The following DOCK3 variants were observed in gnomAD, a reference collection of about 807,000 sequenced individuals.
DOCK3 encodes the protein dedicator of cytokinesis 3, also known as dedicator of cytokinesis protein 3.
Under a neutral mutation model 265.6 loss-of-function variants are expected in DOCK3, and 60 were observed. That is an observed-to-expected ratio of 0.23 (90% CI 0.18 to 0.28). The LOEUF (loss-of-function observed/expected upper bound fraction) is 0.28, where lower values mean the gene tolerates loss of function less well. DOCK3 is among the 10% of genes least tolerant of loss of function. The pLI, the probability that DOCK3 is intolerant of heterozygous loss-of-function variation, is 1.00. For missense variants in DOCK3, 1,981 were observed against 2,594.3 expected, an observed-to-expected ratio of 0.76 and a Z score of 5.14; for synonymous variants, 881 against 938.0, an observed-to-expected ratio of 0.94 and a Z score of 1.11.
chr3:51,068,560 A>AAAAGAAGAAG (rs529031027), intron 6 of DOCK3, among the ~76,000 whole-genome samples: 5 of 82,416 alleles, frequency 6.1e-5, no homozygotes, highest in African/African-American at 9.2e-5. Flanking sequence ...AAAAAAAAAA[A>AAAAGAAGAAG]AAGAAGAAGA....
At chr3:50,947,787 T>A (rs2076466275) in intron 5 of DOCK3, among the ~76,000 whole-genome samples, 1 of 151,906 alleles carries the variant, frequency 6.6e-6, no homozygotes, top group South Asian at 2.1e-4. Context: ...ATGGTTAAGA[T>A]GTTAGTTCTC....
At chr3:51,048,842 G>A (rs2080875873) in intron 5 of DOCK3, among the ~76,000 whole-genome samples, 1 of 150,202 alleles carries the variant, frequency 6.7e-6, no homozygotes, top group African/African-American at 2.5e-5. Flanking sequence ...CAGCCTGAGC[G>A]ACAGAGCGAG....
chr3:51,155,709 C>T (rs2085812858), intron 10 of DOCK3, among the ~76,000 whole-genome samples: 1 of 152,124 alleles, frequency 6.6e-6, no homozygotes, highest in African/African-American at 2.4e-5. Flanking sequence ...GGGTTTCCTA[C>T]CAAGGAAGAA....
At chr3:51,122,750 G>T (rs1023395902) in intron 9 of DOCK3, among the ~76,000 whole-genome samples, 26 of 152,208 alleles carry the variant, frequency 1.7e-4, no homozygotes, top group Non-Finnish European at 7.3e-5. Flanking sequence ...GAAATGGAGG[G>T]ATTGGCTTGC....
At chr3:51,250,616 C>T (rs1226616291) in intron 22 of DOCK3, among the ~76,000 whole-genome samples, 1 of 152,154 alleles carries the variant, frequency 6.6e-6, no homozygotes, top group Non-Finnish European at 1.5e-5. Flanking sequence ...AAAACTCCAT[C>T]TCAAGAGAAA....
intron 2 of DOCK3, among the ~76,000 whole-genome samples, chr3:50,824,464 A>G (rs573310404): frequency 1.6e-4 from 25 of 152,320 alleles, no homozygotes; most frequent in African/African-American, 5.8e-4. Context: ...TTTTGTTTAC[A>G]TATTTGAAAC....
In DOCK3 at chr3:51,016,781, C is replaced by T. The variant is rs1369058564; in HGVS notation, c.316-47667C>T. On this transcript the variant is annotated intron_variant, in intron 5 of 52. Coordinates refer to ENST00000266037, the MANE Select transcript of DOCK3 (RefSeq NM_004947.5). ...ATATATGATATATGTTTATATATAT[C>T]ATATATAAATATATATGATATATGT... Among the ~76,000 whole-genome samples, 4 of 14,852 alleles carry T rather than the reference C, an allele frequency of 2.7e-4. 2 individuals are homozygous for T. The highest frequency in any genetic ancestry group is 2.0e-3 in the Admixed American group (2 of 1,010). 9.7% of individuals were successfully genotyped at this position (14,852 alleles called of 152,430 possible). A position where few individuals can be genotyped will look rare whatever the true frequency, so the allele number is the denominator to read the frequency against.
chr3:50,910,327 C>A (rs2049792901), intron 4 of DOCK3, among the ~76,000 whole-genome samples: 1 of 152,068 alleles, frequency 6.6e-6, no homozygotes. Context: ...TCCAGCATCA[C>A]CCCTCCTTAC....
chr3:51,092,779 G>A (rs1343192853), intron 9 of DOCK3, among the ~76,000 whole-genome samples: 1 of 152,182 alleles, frequency 6.6e-6, no homozygotes, highest in African/African-American at 2.4e-5. Context: ...CTGGCATCTG[G>A]CAGTTGCCCC....
chr3:50,998,573 ACTTT>A (rs2078363181), intron 5 of DOCK3, among the ~76,000 whole-genome samples: 1 of 152,198 alleles, frequency 6.6e-6, no homozygotes, highest in Non-Finnish European at 1.5e-5. Flanking sequence ...TGCTCTGAAT[ACTTT>A]CTTCCTAGAA....
At chr3:50,775,841 T>C (rs1056757642) in intron 1 of DOCK3, among the ~76,000 whole-genome samples, 2 of 13,334 alleles carry the variant, frequency 1.5e-4, no homozygotes, top group African/African-American at 1.7e-4. Context: ...CATATGGTAT[T>C]TGCTTTCCCA....
chr3:51,288,912 G>C (rs1489763879), intron 27 of DOCK3, among the ~76,000 whole-genome samples: 1 of 151,684 alleles, frequency 6.6e-6, no homozygotes, highest in East Asian at 1.9e-4. Context: ...GGGTGTGTGT[G>C]TGTGTGTGTG....
intron 23 of DOCK3, among the ~76,000 whole-genome samples, chr3:51,264,297 T>C (rs912134387): frequency 7.2e-5 from 11 of 152,160 alleles, no homozygotes; most frequent in African/African-American, 2.4e-4. Flanking sequence ...AACAACCTGC[T>C]CCTGAATGAC....
chr3:51,139,555 T>G (rs9846191), intron 9 of DOCK3, among the ~76,000 whole-genome samples: 1 of 152,240 alleles, frequency 6.6e-6, no homozygotes, highest in Non-Finnish European at 1.5e-5. Context: ...CAATATTTAT[T>G]GAGCACCTAT....
chr3:50,919,244 C>T (rs1302587526), intron 4 of DOCK3, among the ~76,000 whole-genome samples: 1 of 152,128 alleles, frequency 6.6e-6, no homozygotes, highest in African/African-American at 2.4e-5. Flanking sequence ...GCAATGCGGA[C>T]TCTTTTTTGG....
intron 28 of DOCK3, among the ~76,000 whole-genome samples, chr3:51,311,771 A>G (rs115817553): frequency 6.6e-6 from 1 of 152,192 alleles, no homozygotes; most frequent in African/African-American, 2.4e-5. Context: ...TCTAGAACCC[A>G]CTGATGTCCT....
At chr3:50,676,548 A>C (rs911384150) in intron 1 of DOCK3, among the ~76,000 whole-genome samples, 1 of 152,208 alleles carries the variant, frequency 6.6e-6, no homozygotes, top group Admixed American at 6.5e-5. Flanking sequence ...GTATTCCCTG[A>C]ATACTGAGTT....
At chr3:50,762,094 C>T (rs1483802635) in intron 1 of DOCK3, among the ~76,000 whole-genome samples, 12 of 151,644 alleles carry the variant, frequency 7.9e-5, no homozygotes, top group African/African-American at 2.7e-4. Flanking sequence ...CATCACACAC[C>T]GGGGCCTGTT....
chr3:50,940,596 A>T (rs1347637132), intron 5 of DOCK3, among the ~76,000 whole-genome samples: 1 of 152,166 alleles, frequency 6.6e-6, no homozygotes, highest in Non-Finnish European at 1.5e-5. Context: ...TAAAAATAAA[A>T]TTTCTAGGGG....
Sources: allele counts gnomAD v4.1 joint callset (sites outside exome capture counted in the v4.1 genomes callset), GRCh38; gene constraint gnomAD v4.1.1; transcripts MANE v1.5; gene names NCBI Gene and HGNC (gene_info 2026-07-23, HGNC 2026-07-21).